GASK1B: variants seen among roughly 807,000 people sequenced by gnomAD.
GASK1B encodes golgi associated kinase 1B.
A neutral mutation model predicts 42.8 loss-of-function variants in GASK1B; 34 were observed. That is an observed-to-expected ratio of 0.79 (90% confidence interval 0.60 to 1.06). The LOEUF (loss-of-function observed/expected upper bound fraction) is 1.06, where lower values mean the gene tolerates loss of function less well. Ranked by LOEUF, GASK1B falls within the 50% of genes least tolerant of loss-of-function variation. GASK1B has a pLI of 0.00. For missense variants in GASK1B, 686 were observed against 661.0 expected, an observed-to-expected ratio of 1.04 and a Z score of -0.42; for synonymous variants, 262 against 259.1, an observed-to-expected ratio of 1.01 and a Z score of -0.11.
At chr4:158,155,347 T>C (rs948205652) in intron 3 of GASK1B, among the ~76,000 whole-genome samples, 6 of 152,218 alleles carry the variant, frequency 3.9e-5, no homozygotes, top group Non-Finnish European at 8.8e-5. Flanking sequence ...CAGATCTTTT[T>C]CCTGCTCCAG....
intron 2 of GASK1B, chr4:158,170,034 C>T: frequency 3.4e-6 from 2 of 593,034 alleles, no homozygotes; most frequent in Non-Finnish European, 2.9e-6. Context: ...TGCTCAAGAA[C>T]GATAACCCGC....
chr4:158,125,186 A>G lies in GASK1B; in HGVS notation c.*2221T>C, dbSNP rs1408599928. 1 of 152,218 alleles carries G rather than the reference A, an allele frequency of 6.6e-6. No individual in the cohort carries two copies. The allele number at this position is 152,218 out of a possible 1,614,324, so 9.4% of individuals were successfully genotyped here. On this transcript the variant is annotated 3_prime_UTR_variant, in exon 5 of 5. Transcript: ENST00000585682. ...ATCATGAATTACTCATTGATTACAA[A>G]ACAAAATTGTTAAAAAGCAAAGGTG...
intron 2 of GASK1B, chr4:158,169,883 A>G: frequency 4.6e-6 from 1 of 216,924 alleles, no homozygotes; most frequent in Non-Finnish European, 9.2e-6. Flanking sequence ...CCACACAGCT[A>G]GTTAGTATAC....
At position 158,171,260 on chromosome 4, in the gene GASK1B, A is replaced by G; in HGVS notation, c.116T>C (p.Leu39Pro). ...GTAGATGGCACACGCAGTGCCCAGC[A>G]GAAGGTTTCTCCGGGTCCTTGGACG... Reference protein sequence around the residue: ...SRRPRTRRNLLLGTACAIYLG... With the variant: ...SRRPRTRRNLPLGTACAIYLG... The change falls in exon 2 of 5, where the codon CTG (leucine) becomes CCG (proline). Residue 39 changes from leucine (L) to proline (P), a missense_variant. By Grantham distance (98) the Leu-to-Pro change is moderately conservative. Transcript: ENST00000585682. 4.3e-6 allele frequency: 7 copies of G among 1,614,052 alleles called. No homozygotes were observed. Among genetic ancestry groups the G allele is most frequent in the Non-Finnish European group, 5.9e-6 (7 of 1,180,002 alleles).
rs1394253808 is a variant in GASK1B, at chr4:158,171,478, G to T, written c.-103C>A. On this transcript the variant is annotated 5_prime_UTR_variant, in exon 2 of 5. Transcript: ENST00000585682. ...ACTTCAGCTGCCGCGTCCGCTTCGG[G>T]ATATAAGTGGTCTCCAGTGGGCAGA... 5 of 1,334,698 alleles carry T rather than the reference G, an allele frequency of 3.7e-6. No individual in the cohort carries two copies. In the Admixed American group the frequency reaches 1.4e-4, roughly 37 times the overall value. 82.7% of individuals were successfully genotyped at this position (1,334,698 alleles called of 1,614,324 possible). A position where few individuals can be genotyped will look rare whatever the true frequency, so the allele number is the denominator to read the frequency against.
intron 3 of GASK1B, among the ~76,000 whole-genome samples, chr4:158,147,143 A>G (rs2346782): frequency 0.52 from 78,645 of 152,114 alleles, 21,733 homozygotes; most frequent in East Asian, 0.8. Context: ...TACCATTTAA[A>G]TGAAGCATTT....
rs145652338 is a variant in GASK1B, at chr4:158,136,963, T to C, written c.1126-5951A>G. Among the ~76,000 whole-genome samples the C allele has an allele frequency of 3.3e-3, 496 of 152,308 alleles. 2 individuals carry two copies. The highest frequency in any genetic ancestry group is 0.011 in the African/African-American group (465 of 41,564). On this transcript the variant is annotated intron_variant, in intron 3 of 4. Transcript: ENST00000585682. The stretch of plus-strand genomic sequence containing the variant: ...TTGGCACCCACTTTGTATTTGGCTA[T>C]TTACAATGCTCCTCCAAAGCACTGT...
intron 2 of GASK1B, among the ~76,000 whole-genome samples, chr4:158,158,065 C>T (rs926482759): frequency 1.3e-5 from 2 of 152,014 alleles, no homozygotes; most frequent in Non-Finnish European, 2.9e-5. Flanking sequence ...GGTTAGAGCT[C>T]AGACTCTGGA....
intron 2 of GASK1B, among the ~76,000 whole-genome samples, chr4:158,156,520 A>T (rs1731766774): frequency 6.6e-6 from 1 of 152,260 alleles, no homozygotes; most frequent in Admixed American, 6.5e-5. Context: ...TTAACCTGTC[A>T]CTCAATTTGT....
intron 3 of GASK1B, among the ~76,000 whole-genome samples, chr4:158,142,111 A>AT (rs1240666047): frequency 7.0e-6 from 1 of 142,154 alleles, no homozygotes; most frequent in Admixed American, 7.1e-5. Context: ...CGCCCGGCTA[A>AT]TTTTTTGTAT....
intron 3 of GASK1B, among the ~76,000 whole-genome samples, 166 bp from the exon 4 acceptor site, chr4:158,131,178 A>G (rs988114517): frequency 2.0e-5 from 3 of 152,210 alleles, no homozygotes; most frequent in Non-Finnish European, 4.4e-5. Context: ...CAAGGTTCAT[A>G]TCCTTCTGAC....
chr4:158,136,371 T>C (rs1278777821), intron 3 of GASK1B, among the ~76,000 whole-genome samples: 6 of 146,210 alleles, frequency 4.1e-5, no homozygotes, highest in African/African-American at 1.5e-4. Context: ...ACTGTGCCTA[T>C]AAAAAAAAAA....
intron 3 of GASK1B, among the ~76,000 whole-genome samples, chr4:158,141,291 G>A (rs370118065): frequency 1.3e-5 from 2 of 151,878 alleles, no homozygotes; most frequent in African/African-American, 4.8e-5. Context: ...ACCAGCACAT[G>A]TTATAATGAC....
chr4:158,134,081 T>C (rs1191583612), intron 3 of GASK1B, among the ~76,000 whole-genome samples: 1 of 152,208 alleles, frequency 6.6e-6, no homozygotes, highest in Non-Finnish European at 1.5e-5. Flanking sequence ...TTAATTCATG[T>C]TCTCTAGCTC....
intron 2 of GASK1B, chr4:158,169,968 A>G (rs1579053819): frequency 2.2e-6 from 1 of 446,256 alleles, no homozygotes; most frequent in African/African-American, 2.0e-5. Context: ...TTGAAAAAAA[A>G]AGGGGGGGTT....
rs1429531522 is a variant in GASK1B, at chr4:158,144,611, GAGA to G, written c.1125+10997_1125+10999del. ...CTAATTACCTCCATAAAAAGAAATTGAGAAGATGTCTCAAAAACAATAAAAAGC... is the reference window on the plus strand; with the variant it reads ...CTAATTACCTCCATAAAAAGAAATTGAGATGTCTCAAAAACAATAAAAAGC... On this transcript the variant is annotated intron_variant, in intron 3 of 4. Coordinates refer to ENST00000585682, the MANE Select transcript of GASK1B (RefSeq NM_001128424.2). Among the ~76,000 whole-genome samples, 4 of 152,070 alleles carry G rather than the reference GAGA, an allele frequency of 2.6e-5. No homozygotes were observed. The South Asian group carries it at 6.2e-4, about 24-fold the overall frequency.
intron 3 of GASK1B, among the ~76,000 whole-genome samples, chr4:158,153,030 C>T (rs962868834): frequency 5.9e-5 from 9 of 152,122 alleles, no homozygotes; most frequent in African/African-American, 2.2e-4. Context: ...AAATAAAGGA[C>T]ATCCAAATCA....
At chr4:158,133,907 G>C (rs923817444) in intron 3 of GASK1B, among the ~76,000 whole-genome samples, 1 of 151,972 alleles carries the variant, frequency 6.6e-6, no homozygotes, top group African/African-American at 2.4e-5. Flanking sequence ...GTGTGTGTGT[G>C]TGTGTGTGTG....
At chr4:158,165,457 A>G (rs531279787) in intron 2 of GASK1B, among the ~76,000 whole-genome samples, 2 of 152,282 alleles carry the variant, frequency 1.3e-5, no homozygotes, top group African/African-American at 2.4e-5. Flanking sequence ...ATTGATACAC[A>G]TGTGATTGTT....
Sources: allele counts gnomAD v4.1 joint callset (sites outside exome capture counted in the v4.1 genomes callset), GRCh38; gene constraint gnomAD v4.1.1; transcripts MANE v1.5; gene names NCBI Gene and HGNC (gene_info 2026-07-23, HGNC 2026-07-21).